The following SYT14 variants were observed in gnomAD, a reference collection of about 807,000 sequenced individuals.
The protein encoded by SYT14 is synaptotagmin-14.
SYT14 carries 32 observed loss-of-function variants against 74.2 expected under a neutral mutation model. That is an observed-to-expected ratio of 0.43 (90% CI 0.33 to 0.58). The LOEUF is 0.58. Ranked by LOEUF, SYT14 falls within the 20% of genes least tolerant of loss-of-function variation. SYT14 has a pLI of 0.05. For synonymous variants in SYT14, 298 were observed against 337.7 expected, an observed-to-expected ratio of 0.88 and a Z score of 1.29; for missense variants, 791 against 981.8, an observed-to-expected ratio of 0.81 and a Z score of 2.60.
chr1:210,090,768 A>C (rs903925305), intron 5 of SYT14, among the ~76,000 whole-genome samples: 1 of 152,040 alleles, frequency 6.6e-6, no homozygotes, highest in Non-Finnish European at 1.5e-5. Flanking sequence ...TTACTTTATA[A>C]AATTATTTAA....
chr1:210,170,820 T>C (rs1193232820), exon 10 of SYT14: 1 of 152,170 alleles, frequency 6.6e-6, no homozygotes, highest in East Asian at 1.9e-4. Context: ...CTATAAAATA[T>C]TACTCTCAAA....
chr1:210,014,395 T>C (rs1020017148), intron 3 of SYT14, among the ~76,000 whole-genome samples: 2 of 147,498 alleles, frequency 1.4e-5, no homozygotes, highest in Admixed American at 1.4e-4. Flanking sequence ...CTTTCTCCTA[T>C]GGAAACATTT....
At chr1:210,101,039 T>C (rs1012039201) in intron 7 of SYT14, among the ~76,000 whole-genome samples, 5 of 152,184 alleles carry the variant, frequency 3.3e-5, no homozygotes, top group African/African-American at 1.2e-4. Context: ...GCTTAGTACT[T>C]TGAGCTAGTT....
At chr1:210,036,125 G>A (rs1366908138) in intron 5 of SYT14, among the ~76,000 whole-genome samples, 2 of 151,658 alleles carry the variant, frequency 1.3e-5, no homozygotes, top group African/African-American at 4.8e-5. Context: ...TTTCACCTTC[G>A]TGGTTGAATG....
intron 2 of SYT14, among the ~76,000 whole-genome samples, chr1:209,961,596 G>C (rs2079076418): frequency 6.6e-6 from 1 of 152,020 alleles, no homozygotes; most frequent in African/African-American, 2.4e-5. Flanking sequence ...ACTTCTCTGA[G>C]GATCAAGTGA....
At chr1:210,106,093 T>G (rs2082153280) in intron 7 of SYT14, among the ~76,000 whole-genome samples, 1 of 152,224 alleles carries the variant, frequency 6.6e-6, no homozygotes, top group African/African-American at 2.4e-5. Context: ...GTTGCCTTCT[T>G]CTGAAAGAAT....
chr1:210,085,588 G>A (rs1467002773), intron 5 of SYT14, among the ~76,000 whole-genome samples: 1 of 152,174 alleles, frequency 6.6e-6, no homozygotes, highest in African/African-American at 2.4e-5. Context: ...AATGGATAAT[G>A]AATTTTATCA....
intron 2 of SYT14, among the ~76,000 whole-genome samples, chr1:210,010,761 A>G (rs182672467): frequency 6.4e-4 from 98 of 152,304 alleles, no homozygotes; most frequent in Admixed American, 1.6e-3. Flanking sequence ...GAGAGAAGGA[A>G]AACAGAAGCA....
intron 2 of SYT14, among the ~76,000 whole-genome samples, chr1:209,957,340 G>A (rs1208438972): frequency 6.6e-6 from 1 of 152,056 alleles, no homozygotes; most frequent in African/African-American, 2.4e-5. Context: ...GATTTGGTAA[G>A]TTTTCTGTTT....
chr1:210,085,611 A>C (rs1047010619), intron 5 of SYT14, among the ~76,000 whole-genome samples: 3 of 152,204 alleles, frequency 2.0e-5, no homozygotes, highest in Non-Finnish European at 4.4e-5. Flanking sequence ...TGCTTTTAGT[A>C]AGTCTTTTAC....
At chr1:210,008,699 G>A (rs1015304986) in intron 2 of SYT14, among the ~76,000 whole-genome samples, 11 of 152,194 alleles carry the variant, frequency 7.2e-5, no homozygotes, top group African/African-American at 2.7e-4. Flanking sequence ...TAAGAGGCAT[G>A]TGTGTTTTAA....
At chr1:209,953,327 C>A in intron 2 of SYT14, 2 of 1,078,440 alleles carry the variant, frequency 1.9e-6, no homozygotes, top group Non-Finnish European at 2.5e-6. Flanking sequence ...TCAGGAGAAC[C>A]TTGGGAGTCC....
At chr1:210,034,336 A>G (rs986152445) in intron 5 of SYT14, among the ~76,000 whole-genome samples, 2 of 151,830 alleles carry the variant, frequency 1.3e-5, no homozygotes, top group African/African-American at 2.4e-5. Context: ...CTTTTGTGTA[A>G]CTGTTACACC....
At chr1:210,011,358 T>C (rs2102913398) in intron 2 of SYT14, among the ~76,000 whole-genome samples, 1 of 152,310 alleles carries the variant, frequency 6.6e-6, no homozygotes, top group Non-Finnish European at 1.5e-5. Context: ...AAAATCATTT[T>C]CTTCCCTGGC....
intron 5 of SYT14, among the ~76,000 whole-genome samples, chr1:210,059,447 TATATAGAGAGAGAGAGAGAG>T (rs2081164221): frequency 1.1e-5 from 1 of 94,736 alleles, no homozygotes; most frequent in South Asian, 3.6e-4. Context: ...TATATATATA[TATATAGAGAGAGAGAGAGAG>T]AGAGAGAGAG....
At chr1:209,991,979 G>A (rs2079697220) in intron 2 of SYT14, among the ~76,000 whole-genome samples, 1 of 152,134 alleles carries the variant, frequency 6.6e-6, no homozygotes, top group South Asian at 2.1e-4. Context: ...ACTACCATTT[G>A]ACCTAGCAAT....
At chr1:210,130,810 A>G (rs1400560547) in intron 7 of SYT14, among the ~76,000 whole-genome samples, 2 of 152,260 alleles carry the variant, frequency 1.3e-5, no homozygotes, top group African/African-American at 2.4e-5. Context: ...ATAACATCAT[A>G]TGTAATAACT....
At chr1:210,006,997 A>G (rs1310891291) in intron 2 of SYT14, among the ~76,000 whole-genome samples, 2 of 151,910 alleles carry the variant, frequency 1.3e-5, no homozygotes, top group Admixed American at 6.6e-5. Context: ...CAATACTTTC[A>G]AAGTCGAAAT....
intron 5 of SYT14, among the ~76,000 whole-genome samples, chr1:210,033,533 G>T (rs957917651): frequency 6.6e-6 from 1 of 151,642 alleles, no homozygotes; most frequent in East Asian, 1.9e-4. Flanking sequence ...GTGTTTTGAC[G>T]CCTTAGAATA....
Sources: gnomAD v4.1 joint callset for allele counts (sites outside exome capture counted in the v4.1 genomes callset) on GRCh38, gnomAD v4.1.1 for gene constraint, MANE v1.5 for transcripts, NCBI Gene and HGNC (gene_info 2026-07-23, HGNC 2026-07-21) for gene names.